Variants in IRAK2 observed in about 807,000 individuals in gnomAD.
IRAK2 encodes the protein interleukin-1 receptor-associated kinase-like 2.
Under a neutral mutation model 72.0 loss-of-function variants are expected in IRAK2, and 57 were observed. That is an observed-to-expected ratio of 0.79 (90% CI 0.64 to 0.99). IRAK2 has a LOEUF of 0.99. IRAK2 is among the 50% of genes least tolerant of loss of function. IRAK2 has a pLI of 0.00. For missense variants in IRAK2, 790 were observed against 794.4 expected (o/e 0.99, Z 0.07); for synonymous variants, 293 against 312.7 (o/e 0.94, Z 0.67).
At chr3:10,211,813 C>T (rs555164069) in intron 4 of IRAK2, among the ~76,000 whole-genome samples, 8 of 152,232 alleles carry the variant, frequency 5.3e-5, no homozygotes, top group East Asian at 3.9e-4. Flanking sequence ...CGCGGTGGCT[C>T]GTGCCTGTAA....
intron 2 of IRAK2, among the ~76,000 whole-genome samples, chr3:10,179,334 C>T (rs1356984718): frequency 1.3e-5 from 2 of 150,010 alleles, no homozygotes; most frequent in African/African-American, 2.5e-5. Context: ...AGCAGTGGCA[C>T]GATCTTGGCT....
chr3:10,198,822 CCT>C (rs970654460), intron 2 of IRAK2, among the ~76,000 whole-genome samples: 5 of 152,030 alleles, frequency 3.3e-5, no homozygotes, highest in Non-Finnish European at 7.4e-5. Flanking sequence ...TGTGACATCC[CCT>C]GTGTCATGCT....
chr3:10,214,120 G>A (rs1044202345), intron 6 of IRAK2, among the ~76,000 whole-genome samples: 1 of 151,988 alleles, frequency 6.6e-6, no homozygotes, highest in African/African-American at 2.4e-5. Flanking sequence ...GTAGAGACGG[G>A]GTTTTGACAT....
At chr3:10,188,862 G>A (rs562247590) in intron 2 of IRAK2, among the ~76,000 whole-genome samples, 5 of 152,220 alleles carry the variant, frequency 3.3e-5, no homozygotes, top group African/African-American at 1.2e-4. Flanking sequence ...GGGTTTTGCC[G>A]TGTTGGCCAG....
intron 1 of IRAK2, among the ~76,000 whole-genome samples, chr3:10,175,790 T>G (rs550621545): frequency 6.8e-6 from 1 of 146,732 alleles, no homozygotes; most frequent in East Asian, 2.0e-4. Context: ...CTCGGGAGGC[T>G]GAGGCCGGAG....
At chr3:10,172,707 A>G (rs539735370) in intron 1 of IRAK2, among the ~76,000 whole-genome samples, 3 of 148,440 alleles carry the variant, frequency 2.0e-5, no homozygotes, top group African/African-American at 7.5e-5. Flanking sequence ...GCATGGTGGC[A>G]CATGCCTGTA....
At chr3:10,189,574 C>T (rs1697142485) in intron 2 of IRAK2, among the ~76,000 whole-genome samples, 1 of 152,218 alleles carries the variant, frequency 6.6e-6, no homozygotes. Context: ...TCTGTTGCTA[C>T]TATCTACCTG....
rs1477399097 is a variant in IRAK2 at position 10,182,033 on chromosome 3, T to A, written c.277+4013T>A. 2.0e-5 allele frequency among the ~76,000 whole-genome samples: 3 copies of A among 149,864 alleles called. No homozygotes were observed. The South Asian group carries it at 6.4e-4, about 32-fold the overall frequency. ...CCCAGGCTGGAGTGCAGTGGCGCAA[T>A]CTTGGCTCACCGCAACCTCTGCCTC... On this transcript the variant is annotated intron_variant, in intron 2 of 12. Coordinates refer to ENST00000256458, the MANE Select transcript of IRAK2 (RefSeq NM_001570.4).
intron 8 of IRAK2, 31 bp from the exon 9 acceptor site, chr3:10,222,605 G>GAGA: frequency 6.3e-7 from 1 of 1,588,780 alleles, no homozygotes; most frequent in Non-Finnish European, 8.6e-7. Context: ...AGCTCAAAAT[G>GAGA]AGAAGGTTCC....
At chr3:10,168,073 AG>A (rs1481521392) in intron 1 of IRAK2, among the ~76,000 whole-genome samples, 2 of 152,212 alleles carry the variant, frequency 1.3e-5, no homozygotes, top group Non-Finnish European at 2.9e-5. Flanking sequence ...CTGGGATTAC[AG>A]GTGTGAGCCA....
intron 2 of IRAK2, among the ~76,000 whole-genome samples, chr3:10,184,431 TGG>T (rs1157996034): frequency 6.6e-6 from 1 of 152,124 alleles, no homozygotes; most frequent in East Asian, 1.9e-4. Flanking sequence ...GAGATAGGCC[TGG>T]GGGCCTAATC....
chr3:10,242,223 C>T lies in IRAK2; in HGVS notation c.1873C>T (p.Pro625Ser), dbSNP rs1256820606. ...EKVDSIELFGP is the reference protein window; with the variant it reads ...EKVDSIELFGS The stretch of plus-strand genomic sequence containing the variant: ...AGTGGACAGCATTGAGCTCTTTGGC[C>T]CCTGATGACCGGAACACAGCTGAGG... Residue 625 changes from proline to serine, a missense_variant, in exon 13 of 13, where the codon CCC becomes TCC. Pro to Ser is a moderately conservative substitution (Grantham distance 74). Coordinates refer to ENST00000256458, the MANE Select transcript of IRAK2 (RefSeq NM_001570.4). 2 of 1,590,150 alleles carry T rather than the reference C, an allele frequency of 1.3e-6. No homozygotes were observed. The highest frequency in any genetic ancestry group is 2.2e-5 in the South Asian group (2 of 90,230).
intron 2 of IRAK2, among the ~76,000 whole-genome samples, chr3:10,196,632 A>G (rs1479349389): frequency 6.6e-6 from 1 of 152,160 alleles, no homozygotes; most frequent in African/African-American, 2.4e-5. Context: ...AGGTTGGGAG[A>G]GAAGTGCATG....
At chr3:10,170,999 T>C (rs1177783944) in intron 1 of IRAK2, among the ~76,000 whole-genome samples, 1 of 152,200 alleles carries the variant, frequency 6.6e-6, no homozygotes, top group Non-Finnish European at 1.5e-5. Context: ...GAGAGTGTAG[T>C]GAGAACGCTA....
rs769091310 is a variant in IRAK2 at position 10,213,501 on chromosome 3, AG to A, written c.743del (p.Gly248AspfsTer122). ...KLRETACSSP[G>X]SIERFFQAEL... is the part of the protein sequence containing the mutation. ...CTCTACAGACAGCCTGTTCAAGTCC[AG>A]GATCAATCGAAAGATTCTTCCAGGC... On this transcript the variant is annotated frameshift_variant, in exon 6 of 13. Coordinates refer to ENST00000256458, the MANE Select transcript of IRAK2 (RefSeq NM_001570.4). LOFTEE classifies it high-confidence loss of function. 9.3e-6 allele frequency: 15 copies of A among 1,614,050 alleles called. No homozygotes were observed. In the African/African-American group the frequency reaches 1.9e-4, roughly 20 times the overall value.
intron 10 of IRAK2, among the ~76,000 whole-genome samples, chr3:10,229,005 C>G (rs1346115250): frequency 1.3e-5 from 2 of 151,246 alleles, no homozygotes; most frequent in Non-Finnish European, 2.9e-5. Context: ...GTGATCTTGG[C>G]TCACTGCAAC....
chr3:10,165,721 A>ATTTTTTTTTTTTT (rs34176794), intron 1 of IRAK2, among the ~76,000 whole-genome samples: 5 of 76,776 alleles, frequency 6.5e-5, no homozygotes, highest in African/African-American at 2.5e-4. Flanking sequence ...GTCTTGAACT[A>ATTTTTTTTTTTTT]TTTTTTTTTT....
chr3:10,181,964 T>C (rs1696966301), intron 2 of IRAK2, among the ~76,000 whole-genome samples: 1 of 146,044 alleles, frequency 6.8e-6, no homozygotes, highest in Non-Finnish European at 1.5e-5. Flanking sequence ...TTTTTCTTTT[T>C]CTTTTCTTTT....
intron 2 of IRAK2, among the ~76,000 whole-genome samples, chr3:10,192,327 C>G (rs143099244): frequency 2.6e-4 from 39 of 152,194 alleles, no homozygotes; most frequent in African/African-American, 8.9e-4. Flanking sequence ...CCAGGAAAGA[C>G]CTTGTTGCCA....
Sources: gnomAD v4.1 joint callset for allele counts (sites outside exome capture counted in the v4.1 genomes callset) on GRCh38, gnomAD v4.1.1 for gene constraint, MANE v1.5 for transcripts, NCBI Gene and HGNC (gene_info 2026-07-23, HGNC 2026-07-21) for gene names.